The following KIF12 variants were observed in gnomAD, a reference collection of about 807,000 sequenced individuals.
KIF12 encodes kinesin-like protein KIF12.
KIF12 carries 80 observed loss-of-function variants against 87.9 expected under a neutral mutation model. The ratio of observed to expected loss-of-function variants is 0.91; its 90% CI spans 0.76 to 1.10. The LOEUF is 1.10. KIF12 is among the 50% of genes least tolerant of loss of function. The probability of loss-of-function intolerance (pLI) is 0.00; values close to 1 mark genes in which losing one functional copy is unlikely to be tolerated. For synonymous variants in KIF12, 353 were observed against 348.5 expected (o/e 1.01, Z -0.14); for missense variants, 819 against 865.3 (o/e 0.95, Z 0.67).
At chr9:114,092,052 CA>C in intron 18 of KIF12, 52 bp from the exon 19 acceptor site, 1 of 1,565,786 alleles carries the variant, frequency 6.4e-7, no homozygotes, top group Non-Finnish European at 8.7e-7. Flanking sequence ...CTTCCTCACC[CA>C]GGTCCATCTG....
rs1847329449 is a variant in KIF12, at chr9:114,098,402, C to T, written c.199G>A (p.Val67Met). The T allele has an allele frequency of 2.7e-6, 4 of 1,504,500 alleles. No individual in the cohort carries two copies. The highest frequency in any genetic ancestry group is 1.2e-5 in the South Asian group (1 of 81,666). The allele number at this position is 1,504,500 out of a possible 1,614,324, so 93.2% of individuals were successfully genotyped here. A position where few individuals can be genotyped will look rare whatever the true frequency, so the allele number is the denominator to read the frequency against. ...QVSPPGGGPEVAFRFGAVLDA... is the reference protein window; with the variant it reads ...QVSPPGGGPEMAFRFGAVLDA... The stretch of plus-strand genomic sequence containing the variant: ...AGCACCGCACCGAAGCGGAACGCCA[C>T]TTCTGGACCCCCGCCTGGAGGACTC... Residue 67 changes from valine to methionine, a missense_variant, in exon 4 of 19, where the codon GTG becomes ATG. By Grantham distance (21) the Val-to-Met change is conservative (BLOSUM62 1). Coordinates refer to ENST00000640217, the MANE Select transcript of KIF12 (RefSeq NM_001388308.1).
chr9:114,095,029 G>T lies in KIF12; in HGVS notation c.1113C>A (p.Ala371=). ...RAQRVTTRPQ[A]PKSPVAKQPQ... ...TGTGCCTGCCTATACTCACCTTGGGGGCCTGTGGTCGGGTGGTGACCCGCT... is the reference window on the plus strand; with the variant it reads ...TGTGCCTGCCTATACTCACCTTGGGTGCCTGTGGTCGGGTGGTGACCCGCT... The change falls in exon 11 of 19, where the codon GCC becomes GCA. Residue 371 remains alanine (A), a synonymous_variant. Coordinates refer to ENST00000640217, the MANE Select transcript of KIF12 (RefSeq NM_001388308.1). 2 of 1,591,088 alleles carry T rather than the reference G, an allele frequency of 1.3e-6. No homozygotes were observed. The highest frequency in any genetic ancestry group is 1.7e-6 in the Non-Finnish European group (2 of 1,168,492).
intron 2 of KIF12, 44 bp from the exon 3 acceptor site, chr9:114,099,057 C>T: frequency 6.4e-7 from 1 of 1,550,432 alleles, no homozygotes; most frequent in Non-Finnish European, 8.7e-7. Flanking sequence ...TGATGTCTTC[C>T]TCGATCCTTG....
chr9:114,092,869 G>GGT (rs1204111225), intron 16 of KIF12: 1 of 1,431,798 alleles, frequency 7.0e-7, no homozygotes, highest in Non-Finnish European at 9.1e-7. Flanking sequence ...AACCACGTCT[G>GGT]GTCTATTTCT....
In KIF12 at chr9:114,097,650, G is replaced by A; in HGVS notation, c.467C>T (p.Pro156Leu). ...CAGATAAGAGGCGCGAAGGGTGACAGGGGCACCCAGGTGCTGCACGCGGTC... is the reference window on the plus strand; with the variant it reads ...CAGATAAGAGGCGCGAAGGGTGACAAGGGCACCCAGGTGCTGCACGCGGTC... ...LLDRVQHLGA[P>L]VTLRASYLEI... Residue 156 changes from proline to leucine, a missense_variant, in exon 6 of 19, where the codon CCT (proline) becomes CTT (leucine). Physicochemically the swap from Pro to Leu is moderately conservative, Grantham distance 98. Coordinates refer to ENST00000640217, the MANE Select transcript of KIF12 (RefSeq NM_001388308.1). 1 of 1,614,052 alleles carries A rather than the reference G, an allele frequency of 6.2e-7. No homozygotes were observed. The highest frequency in any genetic ancestry group is 8.5e-7 in the Non-Finnish European group (1 of 1,179,956).
chr9:114,096,509 T>C (rs1004424893), intron 7 of KIF12, 31 bp from the exon 8 acceptor site: 1 of 1,546,418 alleles, frequency 6.5e-7, no homozygotes, highest in Admixed American at 1.8e-5. Flanking sequence ...GAGCTGGACC[T>C]GGTAGGAAGA....
Position 114,099,261 on chromosome 9 carries a change from AC to A in KIF12, c.15del (p.Ser6HisfsTer30). The A allele has an allele frequency of 1.9e-6, 3 of 1,551,012 alleles. No homozygotes were observed. Among genetic ancestry groups the A allele is most frequent in the Non-Finnish European group, 2.6e-6 (3 of 1,147,054 alleles). MEER[G>X]SPDGDLARSL... is the part of the protein sequence containing the mutation. ...TGAAGATCTGCTTACCCGTCGGGTG[AC>A]CCGCGTTCTTCCATGTCCTGCTCTG... On this transcript the variant is annotated frameshift_variant, in exon 1 of 19. Coordinates refer to ENST00000640217, the MANE Select transcript of KIF12 (RefSeq NM_001388308.1). LOFTEE classifies it high-confidence loss of function.
Position 114,094,412 on chromosome 9 carries a change from A to G in KIF12, c.1163T>C (p.Leu388Pro). The G allele has an allele frequency of 6.2e-7, 1 of 1,614,064 alleles. No homozygotes were observed. The highest frequency in any genetic ancestry group is 8.5e-7 in the Non-Finnish European group (1 of 1,179,944). Residue 388 changes from leucine (L) to proline (P), a missense_variant, in exon 12 of 19, where the codon CTG (leucine) becomes CCG (proline). Physicochemically the swap from Leu to Pro is moderately conservative, Grantham distance 98 (BLOSUM62 -3). Transcript: ENST00000640217. ...KQPQRLETEM[L>P]QLQEENRRLQ... is the part of the protein sequence containing the mutation. ...GCGACGGTTCTCCTCCTGGAGCTGC[A>G]GCATCTCTGTCTCCAAACGCTGGGG...
rs1554776719 is a variant in KIF12, at chr9:114,097,375, C to G, written c.572G>C (p.Arg191Pro). 3.1e-6 allele frequency: 5 copies of G among 1,608,788 alleles called. No individual in the cohort carries two copies. The highest frequency in any genetic ancestry group is 1.1e-5 in the South Asian group (1 of 90,050). The change falls in exon 7 of 19, where the codon CGG becomes CCG. Residue 191 changes from arginine (R) to proline (P), a missense_variant. Transcript: ENST00000640217. ...CCGCAGCTGCTCCACATAGAAGCCC[C>G]GAGTCTTGTTCCAGCGAACAGGGAG... ...RPLPVRWNKT[R>P]GFYVEQLRVV...
intron 13 of KIF12, 72 bp downstream of exon 13, chr9:114,094,109 G>T (rs1178381313): frequency 4.7e-6 from 7 of 1,498,264 alleles, no homozygotes; most frequent in Non-Finnish European, 6.5e-6. Context: ...GGGAGAGGAG[G>T]CAGTTTGCCA....
At chr9:114,095,615 T>A (rs1393896771) in intron 9 of KIF12, among the ~76,000 whole-genome samples, 1 of 152,154 alleles carries the variant, frequency 6.6e-6, no homozygotes, top group African/African-American at 2.4e-5. Flanking sequence ...CAAAGGAGTT[T>A]CGCGGGCATC....
intron 13 of KIF12, 100 bp from the exon 14 acceptor site, chr9:114,094,072 G>C: frequency 2.8e-6 from 4 of 1,449,362 alleles, no homozygotes; most frequent in Non-Finnish European, 3.9e-6. Flanking sequence ...TCAGGAAGCA[G>C]GTGGGGACAT....
chr9:114,096,873 T>C (rs1847253494), intron 7 of KIF12, among the ~76,000 whole-genome samples: 1 of 152,026 alleles, frequency 6.6e-6, no homozygotes, highest in African/African-American at 2.4e-5. Flanking sequence ...AAAAAAAGAA[T>C]GAGGCTGAAA....
Position 114,094,417 on chromosome 9 carries a change from C to T in KIF12, c.1158G>A (p.Glu386=). ...VAKQPQRLET[E]MLQLQEENRR... is the part of the protein sequence containing the mutation. ...GGTTCTCCTCCTGGAGCTGCAGCATCTCTGTCTCCAAACGCTGGGGCTGCT... is the reference window on the plus strand; with the variant it reads ...GGTTCTCCTCCTGGAGCTGCAGCATTTCTGTCTCCAAACGCTGGGGCTGCT... Residue 386 remains glutamate, a synonymous_variant, in exon 12 of 19, where the codon GAG becomes GAA. Transcript: ENST00000640217. The T allele has an allele frequency of 6.2e-7, 1 of 1,614,018 alleles. No individual in the cohort carries two copies. The highest frequency in any genetic ancestry group is 1.6e-4 in the Middle Eastern group (1 of 6,062).
intron 7 of KIF12, 71 bp downstream of exon 7, chr9:114,097,229 CA>C (rs1847269344): frequency 1.3e-6 from 2 of 1,544,222 alleles, no homozygotes; most frequent in South Asian, 2.5e-5. Context: ...GTCTGGGCCC[CA>C]AGTCCACACT....
chr9:114,093,597 G>A, intron 14 of KIF12, 100 bp from the exon 15 acceptor site: 2 of 996,370 alleles, frequency 2.0e-6, no homozygotes, highest in Non-Finnish European at 3.1e-6. Context: ...TCCCGTACCA[G>A]GTACCGGGCC....
intron 8 of KIF12, 65 bp from the exon 9 acceptor site, chr9:114,096,272 G>T (rs557804117): frequency 2.2e-5 from 36 of 1,607,622 alleles, no homozygotes; most frequent in Middle Eastern, 3.3e-4. Context: ...CAAGGTTATG[G>T]GACCAAGAGT....
rs748121328 is a variant in KIF12 at position 114,092,661 on chromosome 9, T to G, written c.1597-19A>C. On this transcript the variant is annotated intron_variant, in intron 16 of 18. Transcript: ENST00000640217. ...CCAACACCTGTAGGAAAGACCAGAGTCCACTCTGGGTGACCTCAGTCCTGC... is the reference window on the plus strand; with the variant it reads ...CCAACACCTGTAGGAAAGACCAGAGGCCACTCTGGGTGACCTCAGTCCTGC... The G allele has an allele frequency of 5.7e-6, 9 of 1,565,654 alleles. No homozygotes were observed. In the South Asian group the frequency reaches 1.0e-4, roughly 18 times the overall value.
chr9:114,093,185 C>A, intron 16 of KIF12, 44 bp downstream of exon 16: 1 of 1,481,908 alleles, frequency 6.7e-7, no homozygotes, highest in Non-Finnish European at 9.2e-7. Context: ...TCAAGGTCTC[C>A]AGTTCTCCCA....
Sources: allele counts gnomAD v4.1 joint callset (sites outside exome capture counted in the v4.1 genomes callset), GRCh38; gene constraint gnomAD v4.1.1; transcripts MANE v1.5; gene names NCBI Gene and HGNC (gene_info 2026-07-23, HGNC 2026-07-21).